The following CFAP221 variants were observed in gnomAD, a reference collection of about 807,000 sequenced individuals.
CFAP221 encodes cilia- and flagella-associated protein 221.
In CFAP221, 97 loss-of-function variants were observed where a neutral mutation model predicts 113.1. That is an observed-to-expected ratio of 0.86 (90% CI 0.73 to 1.02). The LOEUF is 1.02. CFAP221 is among the 50% of genes least tolerant of loss of function. The pLI is 0.00. For synonymous variants in CFAP221, 331 were observed against 354.4 expected (o/e 0.93, Z 0.74); for missense variants, 1,025 against 1,013.4 (o/e 1.01, Z -0.16).
At chr2:119,566,634 T>C (rs1681654926) in intron 6 of CFAP221, among the ~76,000 whole-genome samples, 1 of 152,224 alleles carries the variant, frequency 6.6e-6, no homozygotes, top group African/African-American at 2.4e-5. Context: ...CATTGGATTA[T>C]GGGCCTAGAA....
In CFAP221 at chr2:119,607,232, A is replaced by G. The variant is rs568194571; in HGVS notation, c.1134-1270A>G. ...GGTCTCGAACTCCTGACCTCAAGCA[A>G]TCCACTAGCCCTGGCCTCCAAAGTG... On this transcript the variant is annotated intron_variant, in intron 11 of 23. Transcript: ENST00000413369. Among the ~76,000 whole-genome samples the G allele has an allele frequency of 6.6e-5, 10 of 152,286 alleles. No homozygotes were observed. In the East Asian group the frequency reaches 1.9e-3, roughly 29 times the overall value.
chr2:119,629,754 CAGG>C, intron 16 of CFAP221, 118 bp from the exon 17 acceptor site: 1 of 708,364 alleles, frequency 1.4e-6, no homozygotes, highest in Non-Finnish European at 2.3e-6. Context: ...ACTGTGGTTG[CAGG>C]AGGAGTTGCT....
intron 12 of CFAP221, among the ~76,000 whole-genome samples, chr2:119,610,337 G>A (rs577774724): frequency 2.6e-5 from 4 of 152,222 alleles, no homozygotes; most frequent in African/African-American, 7.2e-5. Flanking sequence ...CCAGTGGCAC[G>A]GAACTCCTGG....
chr2:119,629,587 C>T (rs116477210), intron 16 of CFAP221, among the ~76,000 whole-genome samples: 1,822 of 152,254 alleles, frequency 0.012, 39 homozygotes, highest in African/African-American at 0.042. Context: ...CAGCTAGGGA[C>T]TGAGTCCTTC....
intron 7 of CFAP221, 28 bp downstream of exon 7, chr2:119,587,250 A>G: frequency 7.1e-7 from 1 of 1,415,956 alleles, no homozygotes; most frequent in Non-Finnish European, 9.5e-7. Context: ...TTCAAGTTCT[A>G]AAAACAAGAA....
chr2:119,572,025 G>A (rs994702360), intron 6 of CFAP221, among the ~76,000 whole-genome samples: 2 of 152,216 alleles, frequency 1.3e-5, no homozygotes, highest in African/African-American at 4.8e-5. Flanking sequence ...CTCTCTTAGG[G>A]TAGGATGAGA....
chr2:119,546,250 C>G lies in CFAP221; in HGVS notation c.119C>G (p.Pro40Arg). 1 of 1,535,202 alleles carries G rather than the reference C, an allele frequency of 6.5e-7. No homozygotes were observed. Among genetic ancestry groups the G allele is most frequent in the East Asian group, 2.4e-5 (1 of 40,902 alleles). The change falls in exon 2 of 24, where the codon CCT (proline) becomes CGT (arginine). Residue 40 changes from proline (P) to arginine (R), a missense_variant. Transcript: ENST00000413369. ...GAGCCGAAAAAAAGAAAAGAAGTAC[C>G]TAATCACCTCCTAGAATCAAGTAAG... is the stretch of plus-strand genomic sequence containing the variant. ...VEEPKKRKEV[P>R]NHLLESKVYA...
intron 17 of CFAP221, 102 bp downstream of exon 17, chr2:119,630,057 AT>A: frequency 9.8e-7 from 1 of 1,024,588 alleles, no homozygotes; most frequent in Non-Finnish European, 1.4e-6. Flanking sequence ...TTTATGGTAG[AT>A]TAGACTGTGT....
chr2:119,593,004 G>C (rs1683700701), intron 7 of CFAP221, among the ~76,000 whole-genome samples: 1 of 152,204 alleles, frequency 6.6e-6, no homozygotes, highest in African/African-American at 2.4e-5. Context: ...GGAGAAAAAT[G>C]ACTTGTTATT....
chr2:119,630,968 A>G (rs1335988213), intron 19 of CFAP221, 67 bp downstream of exon 19: 1 of 1,559,662 alleles, frequency 6.4e-7, no homozygotes, highest in Non-Finnish European at 8.7e-7. Flanking sequence ...TCTATAGGAA[A>G]CAGAGCACTC....
At chr2:119,615,820 A>G in intron 14 of CFAP221, 111 bp downstream of exon 14, 2 of 750,438 alleles carry the variant, frequency 2.7e-6, no homozygotes, top group South Asian at 4.4e-5. Context: ...ACACACCATA[A>G]AATTCACCCT....
chr2:119,609,707 C>T (rs908933380), intron 12 of CFAP221, among the ~76,000 whole-genome samples: 4 of 152,114 alleles, frequency 2.6e-5, no homozygotes, highest in African/African-American at 4.8e-5. Flanking sequence ...ACAGGAATTT[C>T]GAAGGGACAC....
At chr2:119,599,254 C>G (rs543683866) in intron 7 of CFAP221, among the ~76,000 whole-genome samples, 6 of 152,290 alleles carry the variant, frequency 3.9e-5, no homozygotes, top group African/African-American at 1.4e-4. Context: ...GCCTTATGAG[C>G]TTGATACCTA....
At chr2:119,583,995 G>A (rs558165948) in intron 6 of CFAP221, among the ~76,000 whole-genome samples, 19 of 152,240 alleles carry the variant, frequency 1.2e-4, no homozygotes, top group Admixed American at 6.5e-5. Context: ...TTCTGTGACA[G>A]CAACCCAAAC....
chr2:119,563,971 A>G (rs1681441382), intron 6 of CFAP221, among the ~76,000 whole-genome samples: 2 of 152,194 alleles, frequency 1.3e-5, no homozygotes, highest in South Asian at 4.1e-4. Flanking sequence ...GGAGATTTTA[A>G]TCCACTCAGT....
chr2:119,596,415 T>C (rs1490711465), intron 7 of CFAP221, among the ~76,000 whole-genome samples: 1 of 152,176 alleles, frequency 6.6e-6, no homozygotes, highest in Non-Finnish European at 1.5e-5. Flanking sequence ...CACACATTGC[T>C]CCTGGCCAGC....
At chr2:119,576,161 A>T (rs1682427411) in intron 6 of CFAP221, among the ~76,000 whole-genome samples, 1 of 152,146 alleles carries the variant, frequency 6.6e-6, no homozygotes, top group Non-Finnish European at 1.5e-5. Flanking sequence ...CCTTAAACTA[A>T]AGTTTTATTT....
intron 6 of CFAP221, among the ~76,000 whole-genome samples, chr2:119,566,602 C>G (rs1007185683): frequency 6.6e-6 from 1 of 152,220 alleles, no homozygotes; most frequent in Non-Finnish European, 1.5e-5. Context: ...TGGCTCCATT[C>G]CTTTCTGCAG....
chr2:119,580,465 A>G (rs1000307080), intron 6 of CFAP221: 2 of 152,212 alleles, frequency 1.3e-5, no homozygotes, highest in Non-Finnish European at 2.9e-5. Flanking sequence ...CTAAGGAACA[A>G]TGTTTTAAAA....
Sources: allele counts gnomAD v4.1 joint callset (sites outside exome capture counted in the v4.1 genomes callset), GRCh38; gene constraint gnomAD v4.1.1; transcripts MANE v1.5; gene names NCBI Gene and HGNC (gene_info 2026-07-23, HGNC 2026-07-21).